The following PRMT5 variants were observed in gnomAD, a reference collection of about 807,000 sequenced individuals.
The protein encoded by PRMT5 is protein arginine methyltransferase 5.
PRMT5 carries 15 observed loss-of-function variants against 84.0 expected under a neutral mutation model. That is an observed-to-expected ratio of 0.18 (90% CI 0.12 to 0.28). The LOEUF (loss-of-function observed/expected upper bound fraction) is 0.28. PRMT5 is among the 10% of genes least tolerant of loss of function. The pLI, the probability that PRMT5 is intolerant of heterozygous loss-of-function variation, is 1.00. For synonymous variants in PRMT5, 276 were observed against 292.4 expected (o/e 0.94, Z 0.57); for missense variants, 486 against 808.0 (o/e 0.60, Z 4.83).
chr14:22,925,138 G>T, intron 7 of PRMT5, 98 bp from the exon 8 acceptor site: 2 of 1,203,996 alleles, frequency 1.7e-6, no homozygotes, highest in Non-Finnish European at 2.3e-6. Context: ...ATAAGGCCCA[G>T]ATCAACAGTT....
chr14:22,923,163 G>A lies in PRMT5; in HGVS notation c.1376-3C>T, dbSNP rs1414592087. 6.3e-7 allele frequency: 1 copy of A among 1,596,248 alleles called. No individual in the cohort carries two copies. Among genetic ancestry groups the A allele is most frequent in the Non-Finnish European group, 8.6e-7 (1 of 1,167,960 alleles). ...CCCGGGGATGCTCACACCATCATCT[G>A]CACAGCAGGAGAGTCAAATTAGTTC... On this transcript the variant is annotated splice_polypyrimidine_tract_variant and splice_region_variant and intron_variant, in intron 12 of 16. Coordinates refer to ENST00000324366, the MANE Select transcript of PRMT5 (RefSeq NM_006109.5). The surrounding 1 kb of genome is among the most constrained non-coding windows in gnomAD (Gnocchi z 5.2).
intron 3 of PRMT5, among the ~76,000 whole-genome samples, chr14:22,927,871 G>C (rs1344276805): frequency 1.3e-5 from 2 of 151,798 alleles, no homozygotes; most frequent in African/African-American, 4.8e-5. Flanking sequence ...ACCATGCCTG[G>C]CTAATTTTTG....
intron 15 of PRMT5, 91 bp from the exon 16 acceptor site, chr14:22,922,331 A>C: frequency 7.0e-7 from 1 of 1,428,584 alleles, no homozygotes. Flanking sequence ...TCACACAAAG[A>C]TCTCCATTCA....
intron 4 of PRMT5, 78 bp from the exon 5 acceptor site, chr14:22,926,892 C>T: frequency 1.0e-6 from 1 of 994,874 alleles, no homozygotes; most frequent in Admixed American, 1.8e-5. Context: ...ATAAAAAAAA[C>T]TTCATCCAGA....
At position 22,921,024 on chromosome 14, in the gene PRMT5, G is replaced by C; in HGVS notation, c.1794C>G (p.Ile598Met). ...QPITVREGQT[I>M]CVRFWRCSNS... ...TGCTGCATCGCCAGAAACGCACACA[G>C]ATGGTTTGGCCTTCACGTACCGTTA... is the stretch of plus-strand genomic sequence containing the variant. Residue 598 changes from isoleucine to methionine, a missense_variant, in exon 17 of 17, where the codon ATC (isoleucine) becomes ATG (methionine). Physicochemically the swap from Ile to Met is conservative, Grantham distance 10 (BLOSUM62 1). Coordinates refer to ENST00000324366, the MANE Select transcript of PRMT5 (RefSeq NM_006109.5). 6.2e-7 allele frequency: 1 copy of C among 1,614,226 alleles called. No homozygotes were observed. Among genetic ancestry groups the C allele is most frequent in the South Asian group, 1.1e-5 (1 of 91,086 alleles).
Position 22,928,936 on chromosome 14 carries a change from C to T in PRMT5, c.110+316G>A. On this transcript the variant is annotated intron_variant, in intron 1 of 16. Transcript: ENST00000324366. The surrounding 1 kb of genome is among the most constrained non-coding windows in gnomAD (Gnocchi z 4.8). ...TTGCCCCAGTTCTGCCCATGCCTCC[C>T]CCGTCAAAATTAGCCTCTTCTCTCC... 1 of 615,482 alleles carries T rather than the reference C, an allele frequency of 1.6e-6. No individual in the cohort carries two copies. The highest frequency in any genetic ancestry group is 2.8e-5 in the East Asian group (1 of 36,126). 38.1% of individuals were successfully genotyped at this position (615,482 alleles called of 1,614,324 possible). A position where few individuals can be genotyped will look rare whatever the true frequency, so the allele number is the denominator to read the frequency against.
rs368112038 is a variant in PRMT5 at position 22,927,600 on chromosome 14, G to A, written c.376C>T (p.Leu126Phe). 127 of 1,613,982 alleles carry A rather than the reference G, an allele frequency of 7.9e-5. No homozygotes were observed. Among genetic ancestry groups the A allele is most frequent in the Non-Finnish European group, 1.0e-4 (120 of 1,180,016 alleles). Reference protein sequence around the residue: ...YLGLPAFLLPLNQEDNTNLAR... With the variant: ...YLGLPAFLLPFNQEDNTNLAR... ...AGGTTGGTGTTATCTTCCTGATTAAGGGGCAGCAGGAAAGCTGGAAGACCC... is the reference window on the plus strand; with the variant it reads ...AGGTTGGTGTTATCTTCCTGATTAAAGGGCAGCAGGAAAGCTGGAAGACCC... Residue 126 changes from leucine to phenylalanine, a missense_variant, in exon 4 of 17, where the codon CTT becomes TTT. Transcript: ENST00000324366.
chr14:22,922,420 C>T, intron 15 of PRMT5, 23 bp downstream of exon 15: 1 of 1,569,818 alleles, frequency 6.4e-7, no homozygotes, highest in South Asian at 1.1e-5. Context: ...CATACTCTGC[C>T]ATCTACTGCC....
At chr14:22,921,997 G>T (rs1014164882) in intron 16 of PRMT5, 179 bp downstream of exon 16, 12 of 642,040 alleles carry the variant, frequency 1.9e-5, no homozygotes, top group Non-Finnish European at 3.1e-5. Flanking sequence ...GAGTAGATGC[G>T]GGAAAGCCAG....
At chr14:22,927,224 T>C (rs143709779) in intron 4 of PRMT5, among the ~76,000 whole-genome samples, 4 of 152,018 alleles carry the variant, frequency 2.6e-5, no homozygotes, top group Middle Eastern at 3.4e-3. Flanking sequence ...TAGCTGGGAC[T>C]ACAGGCGTGT....
rs556687890 is a variant in PRMT5 at position 22,924,216 on chromosome 14, T to C, written c.1200-33A>G. ...AGAGACAATAAGGTAAGGAGAGATG[T>C]TAAGGAAATTTGGCAATGAGGACTA... On this transcript the variant is annotated intron_variant, in intron 11 of 16. Transcript: ENST00000324366. This position sits in a 1 kb window ranked among gnomAD's most constrained non-coding sequence, Gnocchi z 6.5. 7 of 1,611,578 alleles carry C rather than the reference T, an allele frequency of 4.3e-6. No homozygotes were observed. The South Asian group carries it at 7.7e-5, about 18-fold the overall frequency.
At position 22,926,799 on chromosome 14, in the gene PRMT5, G is replaced by C; in HGVS notation, c.466C>G (p.Pro156Ala). ...CTCAGGTCCTCTGGTGCCACCAAGG[G>C]TACCCGCATCCAGAACTGCACATGA... ...HHSSMFWMRVPLVAPEDLRDD... is the reference protein window; with the variant it reads ...HHSSMFWMRVALVAPEDLRDD... The change falls in exon 5 of 17, where the codon CCC (proline) becomes GCC (alanine). Residue 156 changes from proline (P) to alanine (A), a missense_variant. By Grantham distance (27) the Pro-to-Ala change is conservative. Coordinates refer to ENST00000324366, the MANE Select transcript of PRMT5 (RefSeq NM_006109.5). 1 of 1,613,156 alleles carries C rather than the reference G, an allele frequency of 6.2e-7. No homozygotes were observed. The highest frequency in any genetic ancestry group is 8.5e-7 in the Non-Finnish European group (1 of 1,179,166).
In PRMT5 at chr14:22,922,781, C is replaced by T. The variant is rs779442206; in HGVS notation, c.1540G>A (p.Ala514Thr). ...CTGAAGGTGAAACAGGGCTGGGGTG[C>T]AGAGAGCTGGTGGAAGTTGTGCAGC... ...VRLHNFHQLSAPQPCFTFSHP... is the reference protein window; with the variant it reads ...VRLHNFHQLSTPQPCFTFSHP... The change falls in exon 14 of 17, where the codon GCA becomes ACA. Residue 514 changes from alanine (A) to threonine (T), a missense_variant. Transcript: ENST00000324366. 3 of 1,613,918 alleles carry T rather than the reference C, an allele frequency of 1.9e-6. No individual in the cohort carries two copies. In the South Asian group the frequency reaches 3.3e-5, roughly 18 times the overall value.
Position 22,924,831 on chromosome 14 carries a change from A to G in PRMT5, c.939+48T>C. ...AGATTTGGAGGCATATATTCTCAAGAAACATTTTCCATCCCACCTTCCTCC... is the reference window on the plus strand; with the variant it reads ...AGATTTGGAGGCATATATTCTCAAGGAACATTTTCCATCCCACCTTCCTCC... On this transcript the variant is annotated intron_variant, in intron 8 of 16. Transcript: ENST00000324366. This position sits in a 1 kb window ranked among gnomAD's most constrained non-coding sequence, Gnocchi z 6.5. 1 of 1,601,096 alleles carries G rather than the reference A, an allele frequency of 6.2e-7. No individual in the cohort carries two copies. The highest frequency in any genetic ancestry group is 8.5e-7 in the Non-Finnish European group (1 of 1,172,050).
chr14:22,923,717 T>G lies in PRMT5; in HGVS notation c.1375+291A>C, dbSNP rs547102794. Reference sequence around the variant, plus strand: ...TTAGTAGTGATGGGGTTTCGCCATGTTGCCCAGGCTGGTCTCAAACTCCTG... The same window carrying G: ...TTAGTAGTGATGGGGTTTCGCCATGGTGCCCAGGCTGGTCTCAAACTCCTG... On this transcript the variant is annotated intron_variant, in intron 12 of 16. Coordinates refer to ENST00000324366, the MANE Select transcript of PRMT5 (RefSeq NM_006109.5). The surrounding 1 kb of genome is among the most constrained non-coding windows in gnomAD (Gnocchi z 5.2). Among the ~76,000 whole-genome samples, 4 of 152,096 alleles carry G rather than the reference T, an allele frequency of 2.6e-5. No individual in the cohort carries two copies. Among genetic ancestry groups the G allele is most frequent in the Non-Finnish European group, 5.9e-5 (4 of 68,012 alleles).
chr14:22,922,352 G>A (rs2044319416), intron 15 of PRMT5, 91 bp downstream of exon 15: 2 of 1,406,246 alleles, frequency 1.4e-6, no homozygotes, highest in Admixed American at 1.7e-5. Context: ...TTGAGCACTG[G>A]GCCCCCCATA....
At chr14:22,929,045 A>C in intron 1 of PRMT5, 1 of 1,286,678 alleles carries the variant, frequency 7.8e-7, no homozygotes, top group Non-Finnish European at 1.1e-6. Context: ...AACTCTCCCA[A>C]CTTTGGGACT....
chr14:22,926,086 G>A, intron 7 of PRMT5, 47 bp downstream of exon 7: 1 of 1,528,652 alleles, frequency 6.5e-7, no homozygotes, highest in Non-Finnish European at 9.0e-7. Flanking sequence ...AGGTAAATAA[G>A]GCAAGATGTA....
chr14:22,925,055 A>C lies in PRMT5; in HGVS notation c.778-15T>G. ...TGCACCTCCAACTGTGAGAAAAGTC[A>C]GACCATCAGACACAGCCCTCAAACC... On this transcript the variant is annotated splice_polypyrimidine_tract_variant and intron_variant, in intron 7 of 16. Coordinates refer to ENST00000324366, the MANE Select transcript of PRMT5 (RefSeq NM_006109.5). 6.2e-7 allele frequency: 1 copy of C among 1,612,712 alleles called. No individual in the cohort carries two copies. Among genetic ancestry groups the C allele is most frequent in the South Asian group, 1.1e-5 (1 of 90,936 alleles).
Sources: allele counts gnomAD v4.1 joint callset (sites outside exome capture counted in the v4.1 genomes callset), GRCh38; gene constraint gnomAD v4.1.1; non-coding constraint Gnocchi (gnomAD v3.1); transcripts MANE v1.5; gene names NCBI Gene and HGNC (gene_info 2026-07-23, HGNC 2026-07-21).